Variants in CAMTA1 observed in about 807,000 individuals in gnomAD.
CAMTA1 encodes the protein calmodulin-binding transcription activator 1.
CAMTA1 carries 27 observed loss-of-function variants against 170.9 expected under a neutral mutation model. That is an observed-to-expected ratio of 0.16 (90% CI 0.12 to 0.22). The LOEUF (loss-of-function observed/expected upper bound fraction) is 0.22, where lower values mean the gene tolerates loss of function less well. Ranked by LOEUF, CAMTA1 falls within the 10% of genes least tolerant of loss-of-function variation. The pLI, the probability that CAMTA1 is intolerant of heterozygous loss-of-function variation, is 1.00. For synonymous variants in CAMTA1, 833 were observed against 891.5 expected (o/e 0.93, Z 1.17); for missense variants, 1,619 against 2,217.2 (o/e 0.73, Z 5.42).
chr1:6,908,026 C>T (rs951869012), intron 3 of CAMTA1, among the ~76,000 whole-genome samples: 3 of 152,234 alleles, frequency 2.0e-5, no homozygotes, highest in African/African-American at 4.8e-5. Flanking sequence ...TGGAGCCAGG[C>T]TGGCCATTTT....
chr1:7,094,951 C>T (rs1641893983), intron 4 of CAMTA1, among the ~76,000 whole-genome samples: 1 of 152,066 alleles, frequency 6.6e-6, no homozygotes, highest in African/African-American at 2.4e-5. Flanking sequence ...AGAAGAGTGT[C>T]CTCTGTCTAG....
intron 11 of CAMTA1, among the ~76,000 whole-genome samples, chr1:7,715,820 A>G (rs2096605607): frequency 6.6e-6 from 1 of 152,172 alleles, no homozygotes; most frequent in Non-Finnish European, 1.5e-5. Context: ...ATGTATTCTG[A>G]TGTGGCATAA....
intron 3 of CAMTA1, among the ~76,000 whole-genome samples, chr1:6,914,529 C>T (rs1215861030): frequency 2.0e-5 from 3 of 152,240 alleles, no homozygotes; most frequent in Admixed American, 6.5e-5. Flanking sequence ...CATGCACACA[C>T]GGCTATCGGC....
At chr1:7,398,193 C>CTCTCTCTCTCTCTCTATA (rs1557651862) in intron 5 of CAMTA1, among the ~76,000 whole-genome samples, 1 of 16,894 alleles carries the variant, frequency 5.9e-5, no homozygotes, top group Admixed American at 1.2e-3. Flanking sequence ...CTCTCTCTCT[C>CTCTCTCTCTCTCTCTATA]TATATATATA....
Position 7,736,654 on chromosome 1 carries a change from G to A in CAMTA1, c.3263+114G>A. 1 of 1,034,302 alleles carries A rather than the reference G, an allele frequency of 9.7e-7. No homozygotes were observed. The highest frequency in any genetic ancestry group is 2.4e-5 in the East Asian group (1 of 41,166). 64.1% of individuals were successfully genotyped at this position (1,034,302 alleles called of 1,614,324 possible). ...ACCCATTCAGTCCACTTTATAGCCGGCGAGCAAAGGGCTTTGTCCTTGGAC... is the reference window on the plus strand; with the variant it reads ...ACCCATTCAGTCCACTTTATAGCCGACGAGCAAAGGGCTTTGTCCTTGGAC... On this transcript the variant is annotated intron_variant, in intron 13 of 22. Transcript: ENST00000303635. The surrounding 1 kb of genome is among the most constrained non-coding windows in gnomAD (Gnocchi z 4.5).
intron 4 of CAMTA1, among the ~76,000 whole-genome samples, chr1:7,165,596 T>G (rs949916288): frequency 1.7e-4 from 26 of 152,242 alleles, no homozygotes; most frequent in South Asian, 2.1e-4. Flanking sequence ...CATGCCTGAC[T>G]AATTTTAGTA....
At chr1:7,742,353 T>C (rs2096824971) in intron 16 of CAMTA1, among the ~76,000 whole-genome samples, 1 of 152,078 alleles carries the variant, frequency 6.6e-6, no homozygotes, top group Non-Finnish European at 1.5e-5. Context: ...GAAGGCTTGA[T>C]TTCATATATA....
intron 3 of CAMTA1, among the ~76,000 whole-genome samples, chr1:6,921,869 T>G (rs1178765999): frequency 6.6e-6 from 1 of 152,072 alleles, no homozygotes; most frequent in Non-Finnish European, 1.5e-5. Context: ...CCACAACACA[T>G]GGGAATTATG....
At chr1:7,601,198 GGC>G (rs2095439026) in intron 6 of CAMTA1, among the ~76,000 whole-genome samples, 1 of 150,662 alleles carries the variant, frequency 6.6e-6, no homozygotes, top group African/African-American at 2.4e-5. Flanking sequence ...GTGGCTGCTG[GGC>G]GGAGACGCTC....
intron 5 of CAMTA1, among the ~76,000 whole-genome samples, chr1:7,375,292 G>C (rs913325831): frequency 3.3e-5 from 5 of 152,086 alleles, no homozygotes; most frequent in Non-Finnish European, 5.9e-5. Context: ...TGCATGCAGG[G>C]CCATTGTCCT....
intron 5 of CAMTA1, among the ~76,000 whole-genome samples, chr1:7,399,754 A>T (rs72853167): frequency 0.014 from 2,066 of 152,298 alleles, 42 homozygotes; most frequent in African/African-American, 0.046. Context: ...ATAATATTCT[A>T]GGCTGGCAGG....
rs568296927 is a variant in CAMTA1 at position 7,604,073 on chromosome 1, C to T, written c.511-36327C>T. ...ATCCACTGTTACTCTGATGGGCTTCCCTTTGTGGGTAACCCGACCTTTCTC... is the reference window on the plus strand; with the variant it reads ...ATCCACTGTTACTCTGATGGGCTTCTCTTTGTGGGTAACCCGACCTTTCTC... On this transcript the variant is annotated intron_variant, in intron 6 of 22. Coordinates refer to ENST00000303635, the MANE Select transcript of CAMTA1 (RefSeq NM_015215.4). Among the ~76,000 whole-genome samples, 140 of 152,318 alleles carry T rather than the reference C, an allele frequency of 9.2e-4. 1 individual carries two copies. The highest frequency in any genetic ancestry group is 3.1e-3 in the African/African-American group (130 of 41,560).
At chr1:7,465,661 G>T (rs746137517) in intron 5 of CAMTA1, among the ~76,000 whole-genome samples, 1 of 152,202 alleles carries the variant, frequency 6.6e-6, no homozygotes, top group South Asian at 2.1e-4. Context: ...TGGTTCTGGG[G>T]CAGTTGTGGG....
intron 3 of CAMTA1, among the ~76,000 whole-genome samples, chr1:6,892,870 A>G (rs1319027482): frequency 6.6e-6 from 1 of 151,966 alleles, no homozygotes; most frequent in African/African-American, 2.4e-5. Flanking sequence ...TTTTAAATCA[A>G]CAATAGAGGT....
At chr1:7,718,870 A>T (rs201113343) in intron 11 of CAMTA1, among the ~76,000 whole-genome samples, 9 of 26,118 alleles carry the variant, frequency 3.4e-4, no homozygotes, top group African/African-American at 2.8e-4. Context: ...TTTTTTTTTT[A>T]AAGACCTCAT....
At chr1:7,176,636 C>T (rs948504822) in intron 4 of CAMTA1, among the ~76,000 whole-genome samples, 1 of 152,212 alleles carries the variant, frequency 6.6e-6, no homozygotes, top group African/African-American at 2.4e-5. Context: ...TTGGGATAGA[C>T]AGATGCTGAG....
In CAMTA1 at chr1:7,359,291, G is replaced by A. The variant is rs1185971068; in HGVS notation, c.439-108539G>A. On this transcript the variant is annotated intron_variant, in intron 5 of 22. Transcript: ENST00000303635. ...GACCATGGAGAAGGGCATGCTGAGT[G>A]GGTCCTAGGCTTCATAAAAGAGCTG... 2.0e-5 allele frequency among the ~76,000 whole-genome samples: 3 copies of A among 152,180 alleles called. No homozygotes were observed. The East Asian group carries it at 5.8e-4, about 29-fold the overall frequency.
At position 7,510,019 on chromosome 1, in the gene CAMTA1, A is replaced by C. The variant is rs77815325; in HGVS notation, c.510+42118A>C. On this transcript the variant is annotated intron_variant, in intron 6 of 22. Transcript: ENST00000303635. ...AAAACAAACAAACAAACAACAAAAAAAAAAAACACTGTCCTCCGAGGCCAT... is the reference window on the plus strand; with the variant it reads ...AAAACAAACAAACAAACAACAAAAACAAAAAACACTGTCCTCCGAGGCCAT... Among the ~76,000 whole-genome samples the C allele has an allele frequency of 3.6e-3, 396 of 108,954 alleles. 56 individuals carry two copies. The East Asian group carries it at 0.052, about 14-fold the overall frequency. The allele number at this position is 108,954 out of a possible 152,430, so 71.5% of individuals were successfully genotyped here.
Position 7,664,764 on chromosome 1 carries a change from C to T in CAMTA1, c.2217C>T (p.Asn739=), listed in dbSNP as rs748726147. 1.2e-5 allele frequency: 19 copies of T among 1,608,932 alleles called. No homozygotes were observed. Among genetic ancestry groups the T allele is most frequent in the East Asian group, 2.2e-5 (1 of 44,776 alleles). Reference sequence around the variant, plus strand: ...GCGGCGTCCCCATCCTCCCGGGCAACGTGGTGCAGGGACTCTACCCCGTGG... The same window carrying T: ...GCGGCGTCCCCATCCTCCCGGGCAATGTGGTGCAGGGACTCTACCCCGTGG... ...SAGGVPILPG[N]VVQGLYPVAQ... is the part of the protein sequence containing the mutation. Residue 739 remains asparagine (N), a synonymous_variant, in exon 9 of 23, where the codon AAC becomes AAT. Coordinates refer to ENST00000303635, the MANE Select transcript of CAMTA1 (RefSeq NM_015215.4).
Sources: allele counts gnomAD v4.1 joint callset (sites outside exome capture counted in the v4.1 genomes callset), GRCh38; gene constraint gnomAD v4.1.1; non-coding constraint Gnocchi (gnomAD v3.1); transcripts MANE v1.5; gene names NCBI Gene and HGNC (gene_info 2026-07-23, HGNC 2026-07-21).